Variants in CACNA1F observed in about 807,000 individuals in gnomAD.
CACNA1F encodes calcium voltage-gated channel subunit alpha1 F, also known as voltage-dependent L-type calcium channel subunit alpha-1F.
A neutral mutation model predicts 143.8 loss-of-function variants in CACNA1F; 59 were observed. That is an observed-to-expected ratio of 0.41 (90% CI 0.33 to 0.51). The LOEUF (loss-of-function observed/expected upper bound fraction) is 0.51, where lower values mean the gene tolerates loss of function less well. Among genes scored for constraint, CACNA1F ranks in the 20% least tolerant of loss-of-function variants. CACNA1F has a pLI of 0.22. For synonymous variants in CACNA1F, 643 were observed against 649.1 expected (o/e 0.99, Z 0.14); for missense variants, 1,411 against 1,647.5 (o/e 0.86, Z 2.48).
chrX:49,213,008 T>C lies in CACNA1F; in HGVS notation c.3793-14A>G, dbSNP rs1557106648. 1 of 1,196,442 alleles carries C rather than the reference T, an allele frequency of 8.4e-7. No individual in the cohort carries two copies. The highest frequency in any genetic ancestry group is 1.7e-5 in the African/African-American group (1 of 57,268). On this transcript the variant is annotated splice_polypyrimidine_tract_variant and intron_variant, in intron 31 of 47. Transcript: ENST00000323022. ...GTGGCCACCATTCTGGAGGGAGATA[T>C]GGCCAAGAAAAAGGTGATACAGGAG...
At chrX:49,220,922 G>T in intron 18 of CACNA1F, 113 bp downstream of exon 18, 1 of 672,546 alleles carries the variant, frequency 1.5e-6, no homozygotes, top group Non-Finnish European at 2.4e-6. Context: ...CTGGGCGACA[G>T]AGTGAGACTC....
chrX:49,208,970 C>T (rs2065627494), intron 42 of CACNA1F: 1 of 411,127 alleles, frequency 2.4e-6, no homozygotes, highest in African/African-American at 2.5e-5. Context: ...GGACTACAGG[C>T]TTGCACCACC....
At position 49,212,260 on chromosome X, in the gene CACNA1F, C is replaced by A; in HGVS notation, c.3991G>T (p.Ala1331Ser). The A allele has an allele frequency of 8.3e-7, 1 of 1,208,264 alleles. No homozygotes were observed. Among genetic ancestry groups the A allele is most frequent in the South Asian group, 1.8e-5 (1 of 56,695 alleles). The change falls in exon 34 of 48, where the codon GCC (alanine) becomes TCC (serine). Residue 1331 changes from alanine (A) to serine (S), a missense_variant. By Grantham distance (99) the Ala-to-Ser change is moderately conservative. Coordinates refer to ENST00000323022, the MANE Select transcript of CACNA1F (RefSeq NM_001256789.3). ...CCACTTGCCTGCATGCCAATGACGG[C>A]ATAGATGAAGAATATCATTGCGATG... is the stretch of plus-strand genomic sequence containing the variant. Reference protein sequence around the residue: ...LLIAMIFFIYAVIGMQMFGKV... With the variant: ...LLIAMIFFIYSVIGMQMFGKV...
At chrX:49,223,888 C>T (rs2065798946) in intron 14 of CACNA1F, among the ~76,000 whole-genome samples, 1 of 109,111 alleles carries the variant, frequency 9.2e-6, no homozygotes, top group Admixed American at 9.9e-5. Context: ...CTTGCCACCA[C>T]TCCCGGCTAA....
intron 19 of CACNA1F, among the ~76,000 whole-genome samples, chrX:49,220,116 C>G (rs1184475579): frequency 8.9e-6 from 1 of 111,924 alleles, no homozygotes; most frequent in Non-Finnish European, 1.9e-5. Flanking sequence ...TTACTCTGCT[C>G]CCCCAGGCTG....
chrX:49,209,780 G>A, intron 40 of CACNA1F, 21 bp from the exon 41 acceptor site: 1 of 1,210,119 alleles, frequency 8.3e-7, no homozygotes, highest in Non-Finnish European at 1.1e-6. Flanking sequence ...GGGAGAGAAG[G>A]CAAGATCACA....
At chrX:49,230,446 C>A in intron 5 of CACNA1F, 21 bp downstream of exon 5, 1 of 1,208,760 alleles carries the variant, frequency 8.3e-7, no homozygotes, top group Non-Finnish European at 1.1e-6. Flanking sequence ...CACCTCCGAC[C>A]TCGGGGGATG....
intron 17 of CACNA1F, among the ~76,000 whole-genome samples, 178 bp from the exon 18 acceptor site, chrX:49,221,258 C>A (rs2065772564): frequency 9.0e-6 from 1 of 111,730 alleles, no homozygotes; most frequent in Admixed American, 9.5e-5. Flanking sequence ...CTGGGATATC[C>A]CAACTCTGCC....
intron 4 of CACNA1F, 77 bp downstream of exon 4, chrX:49,230,773 G>A: frequency 9.0e-7 from 1 of 1,116,654 alleles, no homozygotes; most frequent in African/African-American, 1.8e-5. Context: ...TGAAAGAGTC[G>A]CTTTCCTGAG....
chrX:49,217,887 G>A lies in CACNA1F; in HGVS notation c.3036+11C>T. On this transcript the variant is annotated intron_variant, in intron 25 of 47. Transcript: ENST00000323022. Reference sequence around the variant, plus strand: ...ACCCCTGCCTGGCATTCCCTCCAGTGTTTGCCCCACCTTGAAGAGCTGCAC... The same window carrying A: ...ACCCCTGCCTGGCATTCCCTCCAGTATTTGCCCCACCTTGAAGAGCTGCAC... The A allele has an allele frequency of 3.3e-6, 4 of 1,201,938 alleles. 1 individual carries two copies. In the South Asian group the frequency reaches 7.0e-5, roughly 21 times the overall value.
At position 49,209,318 on chromosome X, in the gene CACNA1F, C is replaced by G; in HGVS notation, c.4897G>C (p.Glu1633Gln). Residue 1633 changes from glutamate (E) to glutamine (Q), a missense_variant, in exon 42 of 48, where the codon GAA (glutamate) becomes CAA (glutamine). Glu to Gln is a conservative substitution (Grantham distance 29). Transcript: ENST00000323022. ...ALTCDTEEEE[E>Q]EGQEGVEEED... ...TCCTCCACTCCCTCCTGCCCCTCTT[C>G]TTCCTCCTCCTCTGTGTCACAGGTG... 1 of 1,204,842 alleles carries G rather than the reference C, an allele frequency of 8.3e-7. No individual in the cohort carries two copies. The highest frequency in any genetic ancestry group is 1.8e-5 in the South Asian group (1 of 56,344).
chrX:49,208,680 G>A lies in CACNA1F; in HGVS notation c.4958C>T (p.Thr1653Met), dbSNP rs781998522. The A allele has an allele frequency of 5.0e-6, 6 of 1,210,297 alleles. No homozygotes were observed. Among genetic ancestry groups the A allele is most frequent in the Admixed American group, 4.3e-5 (2 of 46,040 alleles). ...GCGAGCTGAGGGCTGGGAGACCATC[G>A]TGGCCTGTGGAGAGTCACAGGACTG... is the stretch of plus-strand genomic sequence containing the variant. ...DEKDLETNKA[T>M]MVSQPSARRG... Residue 1653 changes from threonine to methionine, a missense_variant, in exon 43 of 48, where the codon ACG (threonine) becomes ATG (methionine). By Grantham distance (81) the Thr-to-Met change is moderately conservative. Around this residue, in one of 3 missense-constraint regions of CACNA1F, gnomAD observed 349 missense variants for 350.2 expected, o/e 1.00. Coordinates refer to ENST00000323022, the MANE Select transcript of CACNA1F (RefSeq NM_001256789.3).
intron 10 of CACNA1F, 22 bp from the exon 11 acceptor site, chrX:49,226,524 T>C (rs1557109968): frequency 1.7e-6 from 2 of 1,166,906 alleles, no homozygotes; most frequent in African/African-American, 3.6e-5. Flanking sequence ...GTGGGGATAG[T>C]GGTCAGGACC....
chrX:49,222,345 C>T, intron 17 of CACNA1F, 177 bp downstream of exon 17: 1 of 473,736 alleles, frequency 2.1e-6, no homozygotes, highest in East Asian at 3.7e-5. Flanking sequence ...AGAACAGGAC[C>T]TGGCACACAG....
rs781980345 is a variant in CACNA1F, at chrX:49,206,868, G to A, written c.5232-13C>T. The A allele has an allele frequency of 1.2e-5, 14 of 1,193,604 alleles. No homozygotes were observed. In the Admixed American group the frequency reaches 1.5e-4, roughly 13 times the overall value. On this transcript the variant is annotated splice_polypyrimidine_tract_variant and intron_variant, in intron 44 of 47. Coordinates refer to ENST00000323022, the MANE Select transcript of CACNA1F (RefSeq NM_001256789.3). The stretch of plus-strand genomic sequence containing the variant: ...TAGGTAGGAAAGCCTGTGTGGGTGG[G>A]AGGGCCAGGGGTGAACTTGGGTCTG...
chrX:49,210,169 T>TG lies in CACNA1F; in HGVS notation c.4589-128dup, dbSNP rs1406394139. 5.5e-5 allele frequency: 37 copies of TG among 674,937 alleles called. No homozygotes were observed. In the Admixed American group the frequency reaches 7.8e-4, roughly 14 times the overall value. 55.6% of individuals were successfully genotyped at this position (674,937 alleles called of 1,213,427 possible). A position where few individuals can be genotyped will look rare whatever the true frequency, so the allele number is the denominator to read the frequency against. ...TGCACACCGCCCCCATTGGACGGGG[T>TG]GGGGGGAAACAGGCCTGGAGAATCC... On this transcript the variant is annotated intron_variant, in intron 39 of 47. Transcript: ENST00000323022.
chrX:49,208,431 C>CAAAAAA, intron 43 of CACNA1F, 84 bp downstream of exon 43: 2 of 611,289 alleles, frequency 3.3e-6, no homozygotes, highest in Non-Finnish European at 5.1e-6. Flanking sequence ...CCACCCCCCT[C>CAAAAAA]AACTTCCTGC....
intron 44 of CACNA1F, 43 bp from the exon 45 acceptor site, chrX:49,206,898 T>G (rs1296657869): frequency 1.7e-6 from 2 of 1,181,996 alleles, no homozygotes; most frequent in Non-Finnish European, 2.3e-6. Context: ...GGTCTGGGCC[T>G]GGACCTGGGC....
chrX:49,217,467 C>G (rs1301128827), intron 26 of CACNA1F, among the ~76,000 whole-genome samples: 1 of 111,891 alleles, frequency 8.9e-6, no homozygotes, highest in Non-Finnish European at 1.9e-5. Flanking sequence ...ACAGCCCAGG[C>G]TTTTAGCTAC....
Sources: allele counts gnomAD v4.1 joint callset (sites outside exome capture counted in the v4.1 genomes callset), GRCh38; gene constraint gnomAD v4.1.1; regional missense constraint gnomAD v4.1.1; transcripts MANE v1.5; gene names NCBI Gene and HGNC (gene_info 2026-07-23, HGNC 2026-07-21).